The following CNTNAP2 variants were observed in gnomAD, a reference collection of about 807,000 sequenced individuals.
The protein encoded by CNTNAP2 is contactin-associated protein-like 2.
Under a neutral mutation model 155.2 loss-of-function variants are expected in CNTNAP2, and 98 were observed. The ratio of observed to expected loss-of-function variants is 0.63; its 90% CI spans 0.54 to 0.75. The LOEUF is 0.75. Ranked by LOEUF, CNTNAP2 falls within the 30% of genes least tolerant of loss-of-function variation. The probability of loss-of-function intolerance (pLI) is 0.00; values close to 1 mark genes in which losing one functional copy is unlikely to be tolerated. For synonymous variants in CNTNAP2, 651 were observed against 631.2 expected, an observed-to-expected ratio of 1.03 and a Z score of -0.47; for missense variants, 1,727 against 1,688.1, an observed-to-expected ratio of 1.02 and a Z score of -0.40.
chr7:147,005,966 A>G (rs970411041), intron 3 of CNTNAP2, among the ~76,000 whole-genome samples: 13 of 151,994 alleles, frequency 8.6e-5, no homozygotes, highest in African/African-American at 3.1e-4. Context: ...TTTTTATTTT[A>G]CTTATTTTAG....
At position 147,046,518 on chromosome 7, in the gene CNTNAP2, C is replaced by T. The variant is rs139836438; in HGVS notation, c.550+2464C>T. Among the ~76,000 whole-genome samples the T allele has an allele frequency of 9.9e-5, 15 of 152,088 alleles. No homozygotes were observed. The East Asian group carries it at 1.9e-3, about 20-fold the overall frequency. The stretch of plus-strand genomic sequence containing the variant: ...CATTTGTTTATTTCATGCTGATGAA[C>T]GTTTGAGTTGTTTCTAGATGTTGGC... On this transcript the variant is annotated intron_variant, in intron 4 of 23. Transcript: ENST00000361727.
intron 1 of CNTNAP2, among the ~76,000 whole-genome samples, chr7:146,220,728 A>T (rs1325695722): frequency 6.6e-6 from 1 of 152,164 alleles, no homozygotes; most frequent in East Asian, 1.9e-4. Flanking sequence ...TTACACAAAA[A>T]CTTTTAAAAC....
Position 148,223,511 on chromosome 7 carries a change from G to C in CNTNAP2, c.3247+5987G>C, listed in dbSNP as rs925736500. 2.6e-5 allele frequency among the ~76,000 whole-genome samples: 4 copies of C among 152,158 alleles called. No homozygotes were observed. The South Asian group carries it at 6.2e-4, about 24-fold the overall frequency. ...TATAACTGCTTTAATTCACTTGGGAGATGAACATGAGACACAGAAGTGAAG... is the reference window on the plus strand; with the variant it reads ...TATAACTGCTTTAATTCACTTGGGACATGAACATGAGACACAGAAGTGAAG... On this transcript the variant is annotated intron_variant, in intron 19 of 23. Transcript: ENST00000361727.
At chr7:147,879,658 G>T (rs1340228090) in intron 13 of CNTNAP2, among the ~76,000 whole-genome samples, 1 of 152,114 alleles carries the variant, frequency 6.6e-6, no homozygotes, top group East Asian at 1.9e-4. Context: ...TGAATTTGTT[G>T]TTCTATTTCT....
chr7:146,805,657 T>C (rs1371636923), intron 2 of CNTNAP2, among the ~76,000 whole-genome samples: 1 of 152,182 alleles, frequency 6.6e-6, no homozygotes, highest in Non-Finnish European at 1.5e-5. Flanking sequence ...GTCTATAATA[T>C]TAATCTCTGT....
At chr7:148,060,516 T>C (rs114944113) in intron 15 of CNTNAP2, among the ~76,000 whole-genome samples, 1 of 152,212 alleles carries the variant, frequency 6.6e-6, no homozygotes, top group Non-Finnish European at 1.5e-5. Context: ...CCTTGAATCC[T>C]TTATCTATTA....
chr7:146,972,703 A>C (rs1167239283), intron 3 of CNTNAP2, among the ~76,000 whole-genome samples: 2 of 152,170 alleles, frequency 1.3e-5, no homozygotes, highest in Non-Finnish European at 2.9e-5. Flanking sequence ...TTATAAAGAG[A>C]AGTTTGGAGG....
chr7:146,946,865 A>G (rs1488927025), intron 3 of CNTNAP2, among the ~76,000 whole-genome samples: 2 of 151,942 alleles, frequency 1.3e-5, no homozygotes, highest in African/African-American at 2.4e-5. Flanking sequence ...TTAGAAAAAG[A>G]TCATTATTTA....
At chr7:146,772,625 C>A (rs1028416508) in intron 1 of CNTNAP2, among the ~76,000 whole-genome samples, 1 of 151,724 alleles carries the variant, frequency 6.6e-6, no homozygotes, top group East Asian at 1.9e-4. Context: ...GCCGAGCTGG[C>A]GCCACTGCAC....
intron 12 of CNTNAP2, among the ~76,000 whole-genome samples, chr7:147,603,732 A>G (rs1490183721): frequency 6.6e-6 from 1 of 152,172 alleles, no homozygotes; most frequent in African/African-American, 2.4e-5. Context: ...TTTAAAGTTC[A>G]TATGGAACCA....
intron 1 of CNTNAP2, among the ~76,000 whole-genome samples, chr7:146,471,670 G>A (rs889027943): frequency 1.3e-5 from 2 of 152,102 alleles, no homozygotes; most frequent in African/African-American, 4.8e-5. Flanking sequence ...TAAGATAAAT[G>A]GCGTGTTTGA....
chr7:146,961,244 GCAGGCA>G (rs1457801134), intron 3 of CNTNAP2, among the ~76,000 whole-genome samples: 1 of 152,150 alleles, frequency 6.6e-6, no homozygotes, highest in Non-Finnish European at 1.5e-5. Context: ...AGTGACCCCT[GCAGGCA>G]CAGCCACCAC....
intron 14 of CNTNAP2, among the ~76,000 whole-genome samples, chr7:147,907,202 G>A (rs1342874264): frequency 4.6e-5 from 7 of 151,786 alleles, no homozygotes; most frequent in African/African-American, 9.7e-5. Flanking sequence ...GACTACAGGC[G>A]CCCACCACCA....
Position 146,715,735 on chromosome 7 carries a change from G to GT in CNTNAP2, c.98-58530dup, listed in dbSNP as rs796649333. On this transcript the variant is annotated intron_variant, in intron 1 of 23. Transcript: ENST00000361727. ...CTATTGTTGCAAACCAAGTTAAATA[G>GT]TTTTTTAAAATATTTTTTATTGTAG... Among the ~76,000 whole-genome samples, 316 of 152,200 alleles carry GT rather than the reference G, an allele frequency of 2.1e-3. 2 individuals are homozygous for GT. The highest frequency in any genetic ancestry group is 5.3e-3 in the African/African-American group (222 of 41,548).
Position 147,920,087 on chromosome 7 carries a change from G to A in CNTNAP2, c.2255+16366G>A, listed in dbSNP as rs184923563. Among the ~76,000 whole-genome samples the A allele has an allele frequency of 2.6e-3, 401 of 151,912 alleles. 1 individual carries two copies. The highest frequency in any genetic ancestry group is 3.2e-3 in the Non-Finnish European group (220 of 67,944). Reference sequence around the variant, plus strand: ...TAAAAAGTATGCCTTGGCCGGGCGCGGTGGCTCATGCCTGTAATCCCAGCA... The same window carrying A: ...TAAAAAGTATGCCTTGGCCGGGCGCAGTGGCTCATGCCTGTAATCCCAGCA... On this transcript the variant is annotated intron_variant, in intron 14 of 23. Coordinates refer to ENST00000361727, the MANE Select transcript of CNTNAP2 (RefSeq NM_014141.6).
chr7:146,296,239 A>T (rs1800512907), intron 1 of CNTNAP2, among the ~76,000 whole-genome samples: 1 of 152,112 alleles, frequency 6.6e-6, no homozygotes, highest in Admixed American at 6.6e-5. Flanking sequence ...TCACCTGAGA[A>T]TAGTTTCTTT....
At chr7:147,826,285 A>G (rs1798448750) in intron 13 of CNTNAP2, among the ~76,000 whole-genome samples, 1 of 152,240 alleles carries the variant, frequency 6.6e-6, no homozygotes, top group Admixed American at 6.5e-5. Flanking sequence ...AAAGGAAAAC[A>G]CAAAATCTAG....
chr7:146,334,830 G>A (rs1237328516), intron 1 of CNTNAP2, among the ~76,000 whole-genome samples: 1 of 152,184 alleles, frequency 6.6e-6, no homozygotes, highest in African/African-American at 2.4e-5. Context: ...CCCCACTTCA[G>A]TTATCAGTAT....
At chr7:148,327,284 G>C (rs913174274) in intron 21 of CNTNAP2, among the ~76,000 whole-genome samples, 1 of 152,252 alleles carries the variant, frequency 6.6e-6, no homozygotes, top group African/African-American at 2.4e-5. Flanking sequence ...GTGTAGCTCC[G>C]ACATGATGTA....
Sources: allele counts gnomAD v4.1 joint callset (sites outside exome capture counted in the v4.1 genomes callset), GRCh38; gene constraint gnomAD v4.1.1; transcripts MANE v1.5; gene names NCBI Gene and HGNC (gene_info 2026-07-23, HGNC 2026-07-21).